Variants in CFAP299 observed in about 807,000 individuals in gnomAD.
CFAP299 encodes cilia and flagella associated protein 299, also known as cilia- and flagella-associated protein 299.
CFAP299 carries 21 observed loss-of-function variants against 27.0 expected under a neutral mutation model. The ratio of observed to expected loss-of-function variants is 0.78; its 90% CI spans 0.55 to 1.12. The LOEUF is 1.12. CFAP299 is among the 50% of genes most tolerant of loss of function. The pLI is 0.00. For missense variants in CFAP299, 310 were observed against 276.6 expected, an observed-to-expected ratio of 1.12 and a Z score of -0.86; for synonymous variants, 104 against 98.1, an observed-to-expected ratio of 1.06 and a Z score of -0.36.
At chr4:80,873,075 A>G (rs1381271361) in intron 4 of CFAP299, 1 of 886,250 alleles carries the variant, frequency 1.1e-6, no homozygotes, top group South Asian at 5.2e-5. Flanking sequence ...GTCTTATAGG[A>G]TATTATAGTT....
chr4:80,748,306 A>T (rs1724736301), intron 3 of CFAP299, among the ~76,000 whole-genome samples: 1 of 152,104 alleles, frequency 6.6e-6, no homozygotes, highest in Non-Finnish European at 1.5e-5. Context: ...TTCACATTTA[A>T]GAGTTATCTA....
chr4:80,859,141 A>G (rs1005470089), intron 3 of CFAP299, among the ~76,000 whole-genome samples: 14 of 152,298 alleles, frequency 9.2e-5, no homozygotes, highest in African/African-American at 3.4e-4. Flanking sequence ...TTCTTGTTGA[A>G]TTGATCCCTT....
chr4:80,553,108 A>T (rs376371860), intron 2 of CFAP299, among the ~76,000 whole-genome samples: 2 of 152,068 alleles, frequency 1.3e-5, no homozygotes, highest in South Asian at 4.1e-4. Flanking sequence ...TTACCCAGGT[A>T]TTAAGCTGAG....
At chr4:80,405,222 T>C (rs374460443) in intron 2 of CFAP299, among the ~76,000 whole-genome samples, 3 of 152,180 alleles carry the variant, frequency 2.0e-5, no homozygotes, top group African/African-American at 7.2e-5. Context: ...CTTCTGTTCT[T>C]CTAAGCAGAC....
intron 3 of CFAP299, among the ~76,000 whole-genome samples, chr4:80,688,003 A>G (rs1193746025): frequency 2.0e-5 from 3 of 152,246 alleles, no homozygotes; most frequent in Non-Finnish European, 4.4e-5. Flanking sequence ...ACGGCGCACC[A>G]GGAGATTGTG....
At chr4:80,346,116 G>C (rs925681437) in intron 1 of CFAP299, among the ~76,000 whole-genome samples, 2 of 152,052 alleles carry the variant, frequency 1.3e-5, no homozygotes, top group Non-Finnish European at 2.9e-5. Context: ...CTTTTTGATG[G>C]GGTTGTTTGA....
rs539925830 is a variant in CFAP299 at position 80,827,884 on chromosome 4, G to A, written c.334-42109G>A. 2.6e-4 allele frequency among the ~76,000 whole-genome samples: 40 copies of A among 152,048 alleles called. No homozygotes were observed. The South Asian group carries it at 2.9e-3, about 11-fold the overall frequency. On this transcript the variant is annotated intron_variant, in intron 3 of 5. Coordinates refer to ENST00000358105, the MANE Select transcript of CFAP299 (RefSeq NM_152770.3). ...ATACAAAGTCAACAGAAAAATATCCGTTGCATTTCTGTACATGAACACTGA... is the reference window on the plus strand; with the variant it reads ...ATACAAAGTCAACAGAAAAATATCCATTGCATTTCTGTACATGAACACTGA...
intron 3 of CFAP299, among the ~76,000 whole-genome samples, chr4:80,718,330 A>G (rs1280370933): frequency 1.3e-5 from 2 of 152,112 alleles, no homozygotes; most frequent in Non-Finnish European, 2.9e-5. Context: ...TTGGTATCGA[A>G]TTATATTCAA....
At position 80,540,968 on chromosome 4, in the gene CFAP299, C is replaced by A. The variant is rs554708765; in HGVS notation, c.243-42125C>A. ...TGATAATTACCAGAGCCTCTAACCACAAAGAAGGATCAGAGAAGCAGATGA... is the reference window on the plus strand; with the variant it reads ...TGATAATTACCAGAGCCTCTAACCAAAAAGAAGGATCAGAGAAGCAGATGA... On this transcript the variant is annotated intron_variant, in intron 2 of 5. Coordinates refer to ENST00000358105, the MANE Select transcript of CFAP299 (RefSeq NM_152770.3). 2.2e-3 allele frequency among the ~76,000 whole-genome samples: 341 copies of A among 152,214 alleles called. 1 individual carries two copies. The highest frequency in any genetic ancestry group is 4.0e-3 in the Non-Finnish European group (274 of 67,998).
At chr4:80,849,858 A>G (rs760135937) in intron 3 of CFAP299, among the ~76,000 whole-genome samples, 4 of 152,178 alleles carry the variant, frequency 2.6e-5, no homozygotes, top group African/African-American at 4.8e-5. Flanking sequence ...TAAAATAGGT[A>G]GAAGATTCTG....
chr4:80,663,785 T>A (rs1343340769), intron 3 of CFAP299, among the ~76,000 whole-genome samples: 1 of 152,188 alleles, frequency 6.6e-6, no homozygotes, highest in African/African-American at 2.4e-5. Flanking sequence ...CTCCACATTC[T>A]CTCCAGCATC....
chr4:80,617,714 AATGAATCCATTTAATAGGGAAGGGCATAG>A (rs1014709345), intron 3 of CFAP299, among the ~76,000 whole-genome samples: 1 of 152,198 alleles, frequency 6.6e-6, no homozygotes, highest in African/African-American at 2.4e-5. Flanking sequence ...AAACTATGGA[AATGAATCCATTTAATAGGGAAGGGCATAG>A]ATGAAAGAAC....
At chr4:80,352,499 G>T (rs1363097791) in intron 1 of CFAP299, among the ~76,000 whole-genome samples, 1 of 152,102 alleles carries the variant, frequency 6.6e-6, no homozygotes, top group Non-Finnish European at 1.5e-5. Flanking sequence ...CCCAAGAGGC[G>T]GAGGTTGCAG....
At chr4:80,881,221 A>T (rs1466690549) in intron 4 of CFAP299, among the ~76,000 whole-genome samples, 1 of 152,212 alleles carries the variant, frequency 6.6e-6, no homozygotes, top group Admixed American at 6.5e-5. Flanking sequence ...TTCCAAGGAA[A>T]GGGGAGGGCA....
At chr4:80,345,113 C>T (rs2109975448) in intron 1 of CFAP299, among the ~76,000 whole-genome samples, 1 of 152,172 alleles carries the variant, frequency 6.6e-6, no homozygotes, top group Non-Finnish European at 1.5e-5. Flanking sequence ...TACTCCTATT[C>T]AACATAGTAT....
At chr4:80,838,980 C>T (rs1730718363) in intron 3 of CFAP299, among the ~76,000 whole-genome samples, 1 of 152,104 alleles carries the variant, frequency 6.6e-6, no homozygotes, top group Non-Finnish European at 1.5e-5. Flanking sequence ...TCGTCCTAGA[C>T]AACAGTGATA....
intron 4 of CFAP299, chr4:80,870,371 T>C: frequency 8.6e-7 from 1 of 1,166,694 alleles, no homozygotes; most frequent in Non-Finnish European, 1.1e-6. Context: ...CCCAGTGACA[T>C]TCCTTTTTAA....
At chr4:80,913,818 AC>A (rs969944707) in intron 4 of CFAP299, among the ~76,000 whole-genome samples, 2 of 152,054 alleles carry the variant, frequency 1.3e-5, no homozygotes, top group African/African-American at 4.8e-5. Context: ...TGTTCTCATC[AC>A]CCCCTAAAGT....
In CFAP299 at chr4:80,568,119, G is replaced by C. The variant is rs575673556; in HGVS notation, c.243-14974G>C. ...TTGTTTCTAAAATGTTAGAAAAAAT[G>C]AGTTAGAAAAACTTTTAGGGAAAAA... On this transcript the variant is annotated intron_variant, in intron 2 of 5. Coordinates refer to ENST00000358105, the MANE Select transcript of CFAP299 (RefSeq NM_152770.3). 6.7e-4 allele frequency among the ~76,000 whole-genome samples: 101 copies of C among 151,772 alleles called. No homozygotes were observed. In the Middle Eastern group the frequency reaches 0.012, roughly 18 times the overall value.
Sources: gnomAD v4.1 joint callset for allele counts (sites outside exome capture counted in the v4.1 genomes callset) on GRCh38, gnomAD v4.1.1 for gene constraint, MANE v1.5 for transcripts, NCBI Gene and HGNC (gene_info 2026-07-23, HGNC 2026-07-21) for gene names.